LCLAT1: variants seen among roughly 807,000 people sequenced by gnomAD.
The protein encoded by LCLAT1 is 1-AGP acyltransferase 8.
In LCLAT1, 11 loss-of-function variants were observed where a neutral mutation model predicts 30.7. That is an observed-to-expected ratio of 0.36 (90% CI 0.23 to 0.59). LCLAT1 has a LOEUF of 0.59. Ranked by LOEUF, LCLAT1 falls within the 20% of genes least tolerant of loss-of-function variation. The probability of loss-of-function intolerance (pLI) is 0.77; values close to 1 mark genes in which losing one functional copy is unlikely to be tolerated. For synonymous variants in LCLAT1, 155 were observed against 151.3 expected, an observed-to-expected ratio of 1.02 and a Z score of -0.18; for missense variants, 402 against 458.6, an observed-to-expected ratio of 0.88 and a Z score of 1.13.
At chr2:30,581,314 C>T (rs1211184026) in intron 5 of LCLAT1, among the ~76,000 whole-genome samples, 12 of 152,292 alleles carry the variant, frequency 7.9e-5, no homozygotes, top group African/African-American at 2.4e-4. Context: ...ATGCCTATCT[C>T]AGGAAGATCA....
chr2:30,474,104 A>G (rs960570350), intron 1 of LCLAT1, among the ~76,000 whole-genome samples: 2 of 152,246 alleles, frequency 1.3e-5, no homozygotes, highest in Non-Finnish European at 2.9e-5. Context: ...GGCAAATGTT[A>G]TACCTGTTTC....
In LCLAT1 at chr2:30,525,711, TG is replaced by T; in HGVS notation, c.123del (p.Trp41Ter). 1 of 1,614,174 alleles carries T rather than the reference TG, an allele frequency of 6.2e-7. No homozygotes were observed. ...LMFVNPSWYR[W>X]INNRLVATWL... ...GTTTGTAAACCCATCTTGGTATCGC[TG>T]GATCAACAACCGCCTTGTGGCAACA... On this transcript the variant is annotated frameshift_variant, in exon 2 of 6. Coordinates refer to ENST00000379509, the MANE Select transcript of LCLAT1 (RefSeq NM_001002257.3). LOFTEE classifies it high-confidence loss of function.
At position 30,601,861 on chromosome 2, in the gene LCLAT1, C is replaced by T. The variant is rs577671373; in HGVS notation, c.628+33685C>T. Among the ~76,000 whole-genome samples the T allele has an allele frequency of 2.9e-5, 4 of 137,256 alleles. No homozygotes were observed. In the East Asian group the frequency reaches 7.8e-4, roughly 27 times the overall value. 90.0% of individuals were successfully genotyped at this position (137,256 alleles called of 152,430 possible). On this transcript the variant is annotated intron_variant, in intron 5 of 5. Transcript: ENST00000379509. ...ATTTATCTACAACAAAACAAGGATC[C>T]TATAGATATCTATCTATAGATATAT... is the stretch of plus-strand genomic sequence containing the variant.
rs191687586 is a variant in LCLAT1, at chr2:30,491,350, A to G, written c.-4-34237A>G. 9.8e-5 allele frequency among the ~76,000 whole-genome samples: 15 copies of G among 152,320 alleles called. No individual in the cohort carries two copies. The East Asian group carries it at 1.5e-3, about 16-fold the overall frequency. ...AGCCACTCTTCTAAGCACTTTACAT[A>G]TATTAACTCAATACTTATCCTAAGG... On this transcript the variant is annotated intron_variant, in intron 1 of 5. Transcript: ENST00000379509.
At chr2:30,516,878 C>T (rs750908388) in intron 1 of LCLAT1, among the ~76,000 whole-genome samples, 1 of 152,182 alleles carries the variant, frequency 6.6e-6, no homozygotes, top group African/African-American at 2.4e-5. Context: ...GTGAGGCTTT[C>T]TGGGAAAAGG....
At chr2:30,467,925 C>T (rs1333025372) in intron 1 of LCLAT1, among the ~76,000 whole-genome samples, 1 of 152,160 alleles carries the variant, frequency 6.6e-6, no homozygotes, top group East Asian at 1.9e-4. Context: ...TTTTGCTGTG[C>T]AGAAGCTCTT....
At chr2:30,626,878 G>A (rs1051535193) in intron 5 of LCLAT1, among the ~76,000 whole-genome samples, 5 of 151,672 alleles carry the variant, frequency 3.3e-5, no homozygotes, top group African/African-American at 4.8e-5. Context: ...TTATCCATGG[G>A]TTATCTAAAC....
intron 5 of LCLAT1, among the ~76,000 whole-genome samples, chr2:30,598,774 A>G (rs1667045614): frequency 1.3e-5 from 2 of 151,968 alleles, no homozygotes; most frequent in South Asian, 2.1e-4. Flanking sequence ...TTTCTAGCTT[A>G]GTGTGGGCAT....
At chr2:30,611,957 AT>A (rs975803196) in intron 5 of LCLAT1, among the ~76,000 whole-genome samples, 2 of 151,984 alleles carry the variant, frequency 1.3e-5, no homozygotes, top group South Asian at 4.2e-4. Context: ...GCTCTGTGAA[AT>A]TTTTTTCAAG....
chr2:30,615,610 C>G (rs751479061), intron 5 of LCLAT1, among the ~76,000 whole-genome samples: 3 of 152,124 alleles, frequency 2.0e-5, no homozygotes, highest in Non-Finnish European at 4.4e-5. Flanking sequence ...AATACTTCCA[C>G]CAAAACTTGT....
In LCLAT1 at chr2:30,449,073, C is replaced by G. The variant is rs545601043; in HGVS notation, c.-5+1690C>G. ...ACTGTGAGGCGGATACATTTATTAT[C>G]TTTATTTTGCAGATGAGGAAACTGA... On this transcript the variant is annotated intron_variant, in intron 1 of 5. Coordinates refer to ENST00000379509, the MANE Select transcript of LCLAT1 (RefSeq NM_001002257.3). Among the ~76,000 whole-genome samples the G allele has an allele frequency of 3.3e-5, 5 of 152,260 alleles. No homozygotes were observed. The East Asian group carries it at 9.6e-4, about 29-fold the overall frequency.
At chr2:30,451,572 C>T (rs1681550924) in intron 1 of LCLAT1, among the ~76,000 whole-genome samples, 1 of 151,778 alleles carries the variant, frequency 6.6e-6, no homozygotes, top group African/African-American at 2.4e-5. Flanking sequence ...ACCTATTGTA[C>T]ATCAGCAGTA....
intron 5 of LCLAT1, among the ~76,000 whole-genome samples, chr2:30,602,804 A>T (rs777145027): frequency 6.6e-6 from 1 of 152,164 alleles, no homozygotes; most frequent in Non-Finnish European, 1.5e-5. Flanking sequence ...TACTCTTCAC[A>T]CTAGCTCAGT....
intron 5 of LCLAT1, among the ~76,000 whole-genome samples, chr2:30,574,783 G>A (rs4952153): frequency 8.5e-5 from 13 of 152,278 alleles, no homozygotes; most frequent in East Asian, 7.7e-4. Flanking sequence ...GTCATGAAGC[G>A]CTGCAGAGTC....
At chr2:30,637,012 A>G (rs946021115) in intron 5 of LCLAT1, among the ~76,000 whole-genome samples, 1 of 152,204 alleles carries the variant, frequency 6.6e-6, no homozygotes, top group African/African-American at 2.4e-5. Context: ...CAGATGTTAG[A>G]AGCAGAAGTA....
intron 5 of LCLAT1, among the ~76,000 whole-genome samples, chr2:30,631,333 T>C (rs554311744): frequency 1.1e-3 from 168 of 152,322 alleles, no homozygotes; most frequent in African/African-American, 3.9e-3. Flanking sequence ...AATTGAGTAG[T>C]GAACTTATTC....
At chr2:30,508,720 G>A (rs111285870) in intron 1 of LCLAT1, among the ~76,000 whole-genome samples, 3,648 of 152,082 alleles carry the variant, frequency 0.024, 132 homozygotes, top group African/African-American at 0.082. Context: ...GCTTAGGATT[G>A]CCTAAGCAAA....
chr2:30,536,602 A>G (rs1280622450), intron 3 of LCLAT1, among the ~76,000 whole-genome samples: 2 of 152,260 alleles, frequency 1.3e-5, no homozygotes, highest in Non-Finnish European at 2.9e-5. Context: ...ATTCATCATC[A>G]CTAGACTGGC....
chr2:30,580,784 A>G (rs755031513), intron 5 of LCLAT1, among the ~76,000 whole-genome samples: 5 of 152,116 alleles, frequency 3.3e-5, no homozygotes, highest in African/African-American at 4.8e-5. Context: ...AGCTGAATAT[A>G]TATTTTTGTT....
Sources: allele counts gnomAD v4.1 joint callset (sites outside exome capture counted in the v4.1 genomes callset), GRCh38; gene constraint gnomAD v4.1.1; transcripts MANE v1.5; gene names NCBI Gene and HGNC (gene_info 2026-07-23, HGNC 2026-07-21).